Variants in TTC38 observed in about 807,000 individuals in gnomAD.
The protein encoded by TTC38 is tetratricopeptide repeat protein 38.
In TTC38, 64 loss-of-function variants were observed where a neutral mutation model predicts 64.2. The observed-to-expected ratio is 1.00, with a 90% CI of 0.81 to 1.23. The LOEUF is 1.23. Among genes scored for constraint, TTC38 ranks in the 50% most tolerant of loss-of-function variants. The pLI, the probability that TTC38 is intolerant of heterozygous loss-of-function variation, is 0.00. For synonymous variants in TTC38, 254 were observed against 249.3 expected, an observed-to-expected ratio of 1.02 and a Z score of -0.18; for missense variants, 573 against 615.5, an observed-to-expected ratio of 0.93 and a Z score of 0.73.
chr22:46,285,315 G>T, intron 9 of TTC38, 36 bp downstream of exon 9: 4 of 1,611,314 alleles, frequency 2.5e-6, no homozygotes, highest in Non-Finnish European at 3.4e-6. Flanking sequence ...GTTTGTTGCA[G>T]CATTTTGCCT....
At chr22:46,280,384 A>T in intron 6 of TTC38, 2 of 344,554 alleles carry the variant, frequency 5.8e-6, no homozygotes, top group Non-Finnish European at 1.2e-5. Flanking sequence ...GTAGCCTGGG[A>T]ATGCAGTTTG....
At chr22:46,283,724 C>T (rs1359225203) in intron 7 of TTC38, among the ~76,000 whole-genome samples, 1 of 151,816 alleles carries the variant, frequency 6.6e-6, no homozygotes, top group Admixed American at 6.6e-5. Flanking sequence ...TGGTGGTGCA[C>T]ACTTGTAATC....
Position 46,292,622 on chromosome 22 carries a change from A to G in TTC38, c.1317-169A>G, listed in dbSNP as rs1025475265. On this transcript the variant is annotated intron_variant, in intron 13 of 13. Transcript: ENST00000381031. The surrounding 1 kb of genome is among the most constrained non-coding windows in gnomAD (Gnocchi z 6.5). ...TGGAGGTCTGTGCCCTCCCATCCTC[A>G]CCTCTCCCCAAACTGAGGCCAGGCC... Among the ~76,000 whole-genome samples, 3 of 150,528 alleles carry G rather than the reference A, an allele frequency of 2.0e-5. No homozygotes were observed. The highest frequency in any genetic ancestry group is 7.3e-5 in the African/African-American group (3 of 40,864).
intron 12 of TTC38, 55 bp from the exon 13 acceptor site, chr22:46,289,771 C>T: frequency 6.3e-7 from 1 of 1,577,760 alleles, no homozygotes; most frequent in Non-Finnish European, 8.7e-7. Flanking sequence ...TGGGCGGGGG[C>T]TCGCCTCCCC....
At chr22:46,285,687 C>A (rs1011417123) in intron 9 of TTC38, among the ~76,000 whole-genome samples, 2 of 148,006 alleles carry the variant, frequency 1.4e-5, no homozygotes, top group Non-Finnish European at 3.0e-5. Context: ...AATTTTTTTT[C>A]TTTGCTGTGA....
At position 46,278,612 on chromosome 22, in the gene TTC38, G is replaced by A. The variant is rs763009704; in HGVS notation, c.566G>A (p.Gly189Asp). 2 of 1,614,020 alleles carry A rather than the reference G, an allele frequency of 1.2e-6. No homozygotes were observed. The highest frequency in any genetic ancestry group is 1.7e-6 in the Non-Finnish European group (2 of 1,179,996). Residue 189 changes from glycine (G) to aspartate (D), a missense_variant, in exon 6 of 14, where the codon GGC becomes GAC. Around this residue, in one of 3 missense-constraint regions of TTC38, gnomAD observed 371 missense variants for 381.8 expected, o/e 0.97. Transcript: ENST00000381031. ...SSYVKGIYSF[G>D]LMETNFYDQA... ...TATGTGAAAGGCATCTACTCTTTTG[G>A]CTTGATGGAAACCAACTTCTACGAC... is the stretch of plus-strand genomic sequence containing the variant.
intron 8 of TTC38, among the ~76,000 whole-genome samples, chr22:46,284,508 A>G (rs1396404118): frequency 6.6e-6 from 1 of 152,206 alleles, no homozygotes; most frequent in African/African-American, 2.4e-5. Flanking sequence ...TTGTCATGAC[A>G]TGAGAATGTG....
Position 46,268,074 on chromosome 22 carries a change from T to C in TTC38, c.33+2T>C. On this transcript the variant is annotated splice_donor_variant, in intron 1 of 13. Coordinates refer to ENST00000381031, the MANE Select transcript of TTC38 (RefSeq NM_017931.4). LOFTEE classifies it high-confidence loss of function. ...GCCTCGCCTCTGCGCGACTGCCAGGTACACGGAGGCTGCCCCCAACCAGGT... is the reference window on the plus strand; with the variant it reads ...GCCTCGCCTCTGCGCGACTGCCAGGCACACGGAGGCTGCCCCCAACCAGGT... 2.6e-6 allele frequency: 4 copies of C among 1,542,504 alleles called. No individual in the cohort carries two copies. Among genetic ancestry groups the C allele is most frequent in the Non-Finnish European group, 3.5e-6 (4 of 1,150,476 alleles).
In TTC38 at chr22:46,288,478, C is replaced by T; in HGVS notation, c.972C>T (p.Ser324=). 2 of 1,614,020 alleles carry T rather than the reference C, an allele frequency of 1.2e-6. No individual in the cohort carries two copies. The highest frequency in any genetic ancestry group is 1.7e-6 in the Non-Finnish European group (2 of 1,179,916). ...TCCTGCCTGTGGCCCGGAAGCACAG[C>T]CGAGACCACATCCTGCTGTTCAATG... The part of the protein sequence containing the change: ...QDVLPVARKH[S]RDHILLFNDA... The change falls in exon 11 of 14, where the codon AGC becomes AGT. Residue 324 remains serine, a synonymous_variant. Transcript: ENST00000381031.
rs1432892705 is a variant in TTC38 at position 46,283,957 on chromosome 22, T to G, written c.736-16T>G. 6.3e-7 allele frequency: 1 copy of G among 1,579,962 alleles called. No individual in the cohort carries two copies. The highest frequency in any genetic ancestry group is 1.4e-5 in the African/African-American group (1 of 73,264). ...TTCAGACTTTTCATAAATTCTCTTT[T>G]TTTTTTTTTCTCCAGGACTCTGATA... On this transcript the variant is annotated splice_polypyrimidine_tract_variant and intron_variant, in intron 7 of 13. Transcript: ENST00000381031.
chr22:46,285,100 C>T, intron 8 of TTC38, 141 bp from the exon 9 acceptor site: 2 of 711,204 alleles, frequency 2.8e-6, no homozygotes, highest in South Asian at 1.6e-5. Flanking sequence ...GCCACCAAGA[C>T]ACCGTCCGTC....
chr22:46,280,165 C>G (rs1253605246), intron 6 of TTC38: 1 of 471,242 alleles, frequency 2.1e-6, no homozygotes. Context: ...CACATGGGCT[C>G]TGTGTCTGCA....
intron 10 of TTC38, among the ~76,000 whole-genome samples, chr22:46,287,648 G>A (rs927942731): frequency 1.3e-5 from 2 of 152,216 alleles, no homozygotes; most frequent in African/African-American, 4.8e-5. Context: ...CCACTGGGGT[G>A]CCAGATGGTT....
Position 46,268,529 on chromosome 22 carries a change from A to G in TTC38, c.49A>G (p.Arg17Gly), listed in dbSNP as rs1292144073. The change falls in exon 2 of 14, where the codon AGG becomes GGG. Residue 17 changes from arginine to glycine, a missense_variant. Coordinates refer to ENST00000381031, the MANE Select transcript of TTC38 (RefSeq NM_017931.4). ...LRDCQAWKDARLPLSTTSNEA... is the reference protein window; with the variant it reads ...LRDCQAWKDAGLPLSTTSNEA... ...CCGTCTGTAGGCCTGGAAGGATGCG[A>G]GGCTCCCGCTCTCCACCACAAGCAA... is the stretch of plus-strand genomic sequence containing the variant. 2 of 1,613,934 alleles carry G rather than the reference A, an allele frequency of 1.2e-6. No homozygotes were observed. The highest frequency in any genetic ancestry group is 1.7e-6 in the Non-Finnish European group (2 of 1,180,028).
rs745716266 is a variant in TTC38 at position 46,284,001 on chromosome 22, A to G, written c.764A>G (p.Tyr255Cys). 11 of 1,592,862 alleles carry G rather than the reference A, an allele frequency of 6.9e-6. No homozygotes were observed. The highest frequency in any genetic ancestry group is 7.7e-6 in the Non-Finnish European group (9 of 1,174,444). Residue 255 changes from tyrosine (Y) to cysteine (C), a missense_variant, in exon 8 of 14, where the codon TAT becomes TGT. Around this residue, in one of 3 missense-constraint regions of TTC38, gnomAD observed 371 missense variants for 381.8 expected, o/e 0.97. Transcript: ENST00000381031. Reference protein sequence around the residue: ...KDSDMLACHNYWHWALYLIEK... With the variant: ...KDSDMLACHNCWHWALYLIEK... Reference sequence around the variant, plus strand: ...TCTGATATGTTGGCTTGTCATAACTATTGGCACTGGGCTTTATATCTGATT... The same window carrying G: ...TCTGATATGTTGGCTTGTCATAACTGTTGGCACTGGGCTTTATATCTGATT...
chr22:46,268,410 A>C, intron 1 of TTC38, 104 bp from the exon 2 acceptor site: 1 of 1,245,208 alleles, frequency 8.0e-7, no homozygotes, highest in Non-Finnish European at 1.2e-6. Context: ...CCCATTTTAC[A>C]GATGAGGAAG....
rs765838245 is a variant in TTC38 at position 46,273,504 on chromosome 22, G to A, written c.194-394G>A. Reference sequence around the variant, plus strand: ...GATGGGATCATGACTTCTGTGCTCCGGGGCCTCCTTGGTCCAGCCCCTTAT... The same window carrying A: ...GATGGGATCATGACTTCTGTGCTCCAGGGCCTCCTTGGTCCAGCCCCTTAT... On this transcript the variant is annotated intron_variant, in intron 3 of 13. Coordinates refer to ENST00000381031, the MANE Select transcript of TTC38 (RefSeq NM_017931.4). This position sits in a 1 kb window ranked among gnomAD's most constrained non-coding sequence, Gnocchi z 5.1. Among the ~76,000 whole-genome samples the A allele has an allele frequency of 2.4e-4, 36 of 152,192 alleles. No individual in the cohort carries two copies. Among genetic ancestry groups the A allele is most frequent in the African/African-American group, 7.2e-5 (3 of 41,450 alleles).
rs372293345 is a variant in TTC38 at position 46,289,879 on chromosome 22, C to T, written c.1296C>T (p.Ser432=). ...LIHAALNCTS[S]VHKNVARSLL... ...ACGCGGCCTTAAACTGCACCTCCAG[C>T]GTCCATAAGAACGTAGCCCGGTGAG... Residue 432 remains serine, a synonymous_variant, in exon 13 of 14, where the codon AGC becomes AGT. Transcript: ENST00000381031. 79 of 1,614,168 alleles carry T rather than the reference C, an allele frequency of 4.9e-5. No individual in the cohort carries two copies. In the African/African-American group the frequency reaches 9.1e-4, roughly 19 times the overall value.
chr22:46,268,069 C>T lies in TTC38; in HGVS notation c.30C>T (p.Cys10=). The T allele has an allele frequency of 6.5e-7, 1 of 1,543,572 alleles. No individual in the cohort carries two copies. The highest frequency in any genetic ancestry group is 8.7e-7 in the Non-Finnish European group (1 of 1,151,066). Residue 10 remains cysteine, a synonymous_variant, in exon 1 of 14, where the codon TGC becomes TGT. Transcript: ENST00000381031. ...CCGCAGCCTCGCCTCTGCGCGACTG[C>T]CAGGTACACGGAGGCTGCCCCCAAC... MAAASPLRD[C]QAWKDARLPL...
Sources: allele counts gnomAD v4.1 joint callset (sites outside exome capture counted in the v4.1 genomes callset), GRCh38; gene constraint gnomAD v4.1.1; regional missense constraint gnomAD v4.1.1; non-coding constraint Gnocchi (gnomAD v3.1); transcripts MANE v1.5; gene names NCBI Gene and HGNC (gene_info 2026-07-23, HGNC 2026-07-21).